The following TSPAN18 variants were observed in gnomAD, a reference collection of about 807,000 sequenced individuals.
The protein encoded by TSPAN18 is tetraspanin-18.
In TSPAN18, 14 loss-of-function variants were observed where a neutral mutation model predicts 27.3. The ratio of observed to expected loss-of-function variants is 0.51; its 90% confidence interval spans 0.34 to 0.80. TSPAN18 has a LOEUF of 0.80. Among genes scored for constraint, TSPAN18 ranks in the 30% least tolerant of loss-of-function variants. The pLI is 0.01. For synonymous variants in TSPAN18, 143 were observed against 136.5 expected (o/e 1.05, Z -0.33); for missense variants, 268 against 323.9 (o/e 0.83, Z 1.32).
At chr11:44,759,455 A>T (rs185911468) in intron 1 of TSPAN18, among the ~76,000 whole-genome samples, 1 of 152,336 alleles carries the variant, frequency 6.6e-6, no homozygotes, top group African/African-American at 2.4e-5. Flanking sequence ...AGAGAAAATT[A>T]TACAAGTAGT....
chr11:44,812,482 G>C (rs1184495384), intron 2 of TSPAN18, among the ~76,000 whole-genome samples: 1 of 152,160 alleles, frequency 6.6e-6, no homozygotes, highest in Non-Finnish European at 1.5e-5. Context: ...TGTCATGGAG[G>C]GCAGTCCAGT....
chr11:44,919,578 G>T (rs1590692904), intron 7 of TSPAN18: 1 of 609,266 alleles, frequency 1.6e-6, no homozygotes, highest in East Asian at 2.8e-5. Flanking sequence ...ACTGTTTATG[G>T]ATGGCTAAGC....
At chr11:44,886,815 C>T (rs1268313802) in intron 3 of TSPAN18, among the ~76,000 whole-genome samples, 1 of 152,216 alleles carries the variant, frequency 6.6e-6, no homozygotes, top group Non-Finnish European at 1.5e-5. Context: ...ATAGTTAGTT[C>T]ATTCACGCAG....
intron 1 of TSPAN18, among the ~76,000 whole-genome samples, chr11:44,733,987 C>T (rs1214196563): frequency 6.6e-6 from 1 of 152,054 alleles, no homozygotes; most frequent in African/African-American, 2.4e-5. Context: ...GGGGCGGATC[C>T]CTCATGAGTG....
Position 44,857,920 on chromosome 11 carries a change from C to T in TSPAN18, c.-152-2408C>T, listed in dbSNP as rs34062121. ...TGTGCACACATGGGTGACACACGCC[C>T]TCCTGAATGTCTCTAGTTCACACTC... is the stretch of plus-strand genomic sequence containing the variant. On this transcript the variant is annotated intron_variant, in intron 2 of 9. Transcript: ENST00000520358. Among the ~76,000 whole-genome samples the T allele has an allele frequency of 8.1e-3, 1,231 of 152,318 alleles. 15 individuals carry two copies. Among genetic ancestry groups the T allele is most frequent in the Non-Finnish European group, 0.011 (737 of 68,022 alleles).
chr11:44,919,575 A>T, intron 7 of TSPAN18: 1 of 608,330 alleles, frequency 1.6e-6, no homozygotes, highest in South Asian at 1.9e-5. Context: ...GCAACTGTTT[A>T]TGGATGGCTA....
intron 2 of TSPAN18, among the ~76,000 whole-genome samples, chr11:44,783,399 C>CTTT (rs575307346): frequency 3.5e-5 from 5 of 142,114 alleles, no homozygotes; most frequent in Non-Finnish European, 6.2e-5. Context: ...TCTTTCTTTT[C>CTTT]TTTTTTTTTT....
At chr11:44,923,730 G>A (rs1376430357) in intron 8 of TSPAN18, among the ~76,000 whole-genome samples, 2 of 152,190 alleles carry the variant, frequency 1.3e-5, no homozygotes, top group Admixed American at 1.3e-4. Context: ...CCCGAGGGCT[G>A]TAATGAGATC....
chr11:44,835,891 GTAAT>G lies in TSPAN18; in HGVS notation c.-152-24435_-152-24432del, dbSNP rs534140741. The stretch of plus-strand genomic sequence containing the variant: ...ATCACTGATCTTTGATGTTACTGTT[GTAAT>G]TGTTTGGGGACATCACAAGCTGCAC... On this transcript the variant is annotated intron_variant, in intron 2 of 9. Coordinates refer to ENST00000520358, the MANE Select transcript of TSPAN18 (RefSeq NM_130783.5). Among the ~76,000 whole-genome samples the G allele has an allele frequency of 7.8e-3, 1,191 of 152,196 alleles. 18 individuals carry two copies. The highest frequency in any genetic ancestry group is 0.027 in the African/African-American group (1,103 of 41,512).
intron 3 of TSPAN18, among the ~76,000 whole-genome samples, chr11:44,875,209 C>A (rs945569950): frequency 6.6e-6 from 1 of 152,226 alleles, no homozygotes; most frequent in Non-Finnish European, 1.5e-5. Context: ...AATACCAGAC[C>A]ATTTACCAGG....
At chr11:44,867,045 T>TA (rs1188481674) in intron 3 of TSPAN18, among the ~76,000 whole-genome samples, 2 of 152,036 alleles carry the variant, frequency 1.3e-5, no homozygotes, top group Non-Finnish European at 2.9e-5. Context: ...AGACTGGAGG[T>TA]AAAAAAATAA....
chr11:44,729,035 G>A (rs1425256049), intron 1 of TSPAN18, among the ~76,000 whole-genome samples: 2 of 152,212 alleles, frequency 1.3e-5, no homozygotes, highest in African/African-American at 4.8e-5. Context: ...GGGGGAAATG[G>A]GGGTCCCTGA....
Position 44,891,639 on chromosome 11 carries a change from G to A in TSPAN18, c.-10-14768G>A, listed in dbSNP as rs749775660. On this transcript the variant is annotated intron_variant, in intron 3 of 9. Coordinates refer to ENST00000520358, the MANE Select transcript of TSPAN18 (RefSeq NM_130783.5). Reference sequence around the variant, plus strand: ...TTGTGCAAGGCTGGGCAGCGGACACGGTGAGGATTGGTGGGACTGCTGTGG... The same window carrying A: ...TTGTGCAAGGCTGGGCAGCGGACACAGTGAGGATTGGTGGGACTGCTGTGG... 3.9e-5 allele frequency among the ~76,000 whole-genome samples: 6 copies of A among 152,282 alleles called. No homozygotes were observed. The South Asian group carries it at 6.2e-4, about 16-fold the overall frequency.
intron 2 of TSPAN18, among the ~76,000 whole-genome samples, chr11:44,772,432 T>A (rs36116442): frequency 0.98 from 149,940 of 152,278 alleles, 73,859 homozygotes; most frequent in East Asian, 1. Context: ...ACATGGAAAA[T>A]GTAAAAAGGT....
At chr11:44,904,086 G>GGAA (rs1256743575) in intron 3 of TSPAN18, among the ~76,000 whole-genome samples, 1 of 152,144 alleles carries the variant, frequency 6.6e-6, no homozygotes, top group Non-Finnish European at 1.5e-5. Context: ...AAACCCTTGG[G>GGAA]GCACTGTTGG....
intron 3 of TSPAN18, among the ~76,000 whole-genome samples, chr11:44,882,212 A>T (rs2135261415): frequency 6.6e-6 from 1 of 152,270 alleles, no homozygotes; most frequent in Non-Finnish European, 1.5e-5. Flanking sequence ...CTAGAAGCGC[A>T]GCATCCATGT....
chr11:44,776,739 C>G (rs973796812), intron 2 of TSPAN18, among the ~76,000 whole-genome samples: 1 of 152,140 alleles, frequency 6.6e-6, no homozygotes, highest in Admixed American at 6.5e-5. Context: ...GGATAATGAT[C>G]GAAACCTGCC....
intron 5 of TSPAN18, among the ~76,000 whole-genome samples, chr11:44,915,798 C>T (rs143859483): frequency 6.6e-6 from 1 of 152,206 alleles, no homozygotes; most frequent in Non-Finnish European, 1.5e-5. Flanking sequence ...CTTCCCTTCT[C>T]CAGCTTCAGC....
At chr11:44,790,330 C>T (rs985182966) in intron 2 of TSPAN18, among the ~76,000 whole-genome samples, 3 of 135,700 alleles carry the variant, frequency 2.2e-5, no homozygotes, top group Admixed American at 7.3e-5. Context: ...TGCTTGTGCA[C>T]GCATGTGTGC....
Sources: gnomAD v4.1 joint callset for allele counts (sites outside exome capture counted in the v4.1 genomes callset) on GRCh38, gnomAD v4.1.1 for gene constraint, MANE v1.5 for transcripts, NCBI Gene and HGNC (gene_info 2026-07-23, HGNC 2026-07-21) for gene names.